Variants in LRP1B observed in about 807,000 individuals in gnomAD.
The protein encoded by LRP1B is low-density lipoprotein receptor-related protein 1B.
A neutral mutation model predicts 556.6 loss-of-function variants in LRP1B; 217 were observed. The observed-to-expected ratio is 0.39, with a 90% CI of 0.35 to 0.44. LRP1B has a LOEUF of 0.44. LRP1B is among the 20% of genes least tolerant of loss of function. LRP1B has a pLI of 1.00. For missense variants in LRP1B, 5,053 were observed against 5,620.8 expected (o/e 0.90, Z 3.23); for synonymous variants, 2,047 against 1,865.8 (o/e 1.10, Z -2.50).
intron 1 of LRP1B, among the ~76,000 whole-genome samples, chr2:142,023,734 T>A (rs1703417231): frequency 6.6e-6 from 1 of 152,180 alleles, no homozygotes; most frequent in African/African-American, 2.4e-5. Flanking sequence ...GTGAAGCTGA[T>A]GGAAAGGTAG....
At chr2:141,252,494 C>T (rs548062158) in intron 4 of LRP1B, among the ~76,000 whole-genome samples, 71 of 152,200 alleles carry the variant, frequency 4.7e-4, no homozygotes, top group Admixed American at 4.4e-3. Context: ...AAAAATACAG[C>T]GTTTGGAGCT....
intron 7 of LRP1B, among the ~76,000 whole-genome samples, chr2:141,147,551 G>T (rs191486333): frequency 3.3e-5 from 5 of 152,100 alleles, no homozygotes; most frequent in South Asian, 2.1e-4. Context: ...GGAACTTAAT[G>T]TCAGGCACTC....
intron 20 of LRP1B, among the ~76,000 whole-genome samples, chr2:140,941,484 AG>A: frequency 6.6e-6 from 1 of 152,280 alleles, no homozygotes; most frequent in South Asian, 2.1e-4. Context: ...GACCTAAGCA[AG>A]GGAGCATAAC....
chr2:140,546,250 C>T (rs1680334061), intron 43 of LRP1B, among the ~76,000 whole-genome samples: 1 of 152,024 alleles, frequency 6.6e-6, no homozygotes, highest in African/African-American at 2.4e-5. Context: ...TTGATTTCCT[C>T]TTTCACTTGG....
chr2:141,137,666 C>T (rs934264644), intron 7 of LRP1B, among the ~76,000 whole-genome samples: 1 of 151,720 alleles, frequency 6.6e-6, no homozygotes, highest in Non-Finnish European at 1.5e-5. Flanking sequence ...ATGTCTTGGT[C>T]CTCCAGCATT....
intron 35 of LRP1B, among the ~76,000 whole-genome samples, chr2:140,760,552 C>T (rs288108): frequency 0.35 from 52,811 of 152,066 alleles, 9,491 homozygotes; most frequent in African/African-American, 0.44. Flanking sequence ...TGGCCCTTGG[C>T]CTTATATTGC....
chr2:140,490,511 A>G (rs568383273), intron 57 of LRP1B, among the ~76,000 whole-genome samples: 1 of 152,254 alleles, frequency 6.6e-6, no homozygotes, highest in East Asian at 1.9e-4. Flanking sequence ...TCAGCTGCAC[A>G]TAAAAGTTCC....
intron 3 of LRP1B, among the ~76,000 whole-genome samples, chr2:141,333,830 T>G: frequency 6.6e-6 from 1 of 152,168 alleles, no homozygotes; most frequent in East Asian, 1.9e-4. Context: ...ATTTTTTATG[T>G]ATATTCTTTC....
intron 3 of LRP1B, among the ~76,000 whole-genome samples, chr2:141,326,205 T>C (rs113827904): frequency 0.021 from 3,167 of 152,158 alleles, 54 homozygotes; most frequent in Non-Finnish European, 0.034. Context: ...TTGTCAAGAA[T>C]GGATAGTATG....
chr2:141,582,393 G>T (rs1686981180), intron 2 of LRP1B, among the ~76,000 whole-genome samples: 1 of 152,200 alleles, frequency 6.6e-6, no homozygotes, highest in Non-Finnish European at 1.5e-5. Flanking sequence ...TTGTGTGGTT[G>T]CTAGGGTAGC....
At chr2:142,038,095 T>C (rs1049816349) in intron 1 of LRP1B, among the ~76,000 whole-genome samples, 1 of 151,634 alleles carries the variant, frequency 6.6e-6, no homozygotes, top group Non-Finnish European at 1.5e-5. Flanking sequence ...CTTCAATTAT[T>C]TAAAGCAACA....
intron 27 of LRP1B, among the ~76,000 whole-genome samples, chr2:140,861,808 T>C (rs971806812): frequency 2.0e-5 from 3 of 152,238 alleles, no homozygotes; most frequent in Non-Finnish European, 4.4e-5. Context: ...TGAATGCATT[T>C]ATGTCTTTAT....
chr2:140,742,813 T>C (rs1688186193), intron 35 of LRP1B, among the ~76,000 whole-genome samples: 2 of 152,076 alleles, frequency 1.3e-5, no homozygotes, highest in African/African-American at 2.4e-5. Context: ...ATGAACTTTA[T>C]GCCAAAAAAT....
intron 71 of LRP1B, among the ~76,000 whole-genome samples, chr2:140,367,045 T>C (rs1302968136): frequency 6.6e-6 from 1 of 151,636 alleles, no homozygotes; most frequent in African/African-American, 2.4e-5. Context: ...ACAAATCTTC[T>C]GTTTTGGGAG....
chr2:142,121,100 C>T (rs987537554), intron 1 of LRP1B, among the ~76,000 whole-genome samples: 1 of 152,156 alleles, frequency 6.6e-6, no homozygotes, highest in Admixed American at 6.5e-5. Context: ...TAGAATGGTG[C>T]TGCATTCGTT....
chr2:141,895,357 C>A (rs897911107), intron 1 of LRP1B, among the ~76,000 whole-genome samples: 1 of 152,066 alleles, frequency 6.6e-6, no homozygotes, highest in Non-Finnish European at 1.5e-5. Flanking sequence ...AGACACAAAA[C>A]CCCTGTTGCC....
chr2:140,996,070 G>A (rs1573963562), intron 15 of LRP1B, among the ~76,000 whole-genome samples: 1 of 151,948 alleles, frequency 6.6e-6, no homozygotes. Flanking sequence ...CAGGAATCGT[G>A]TGTCTTCTAC....
intron 7 of LRP1B, among the ~76,000 whole-genome samples, chr2:141,162,526 A>G (rs1228950634): frequency 6.6e-6 from 1 of 152,000 alleles, no homozygotes; most frequent in Non-Finnish European, 1.5e-5. Context: ...GTCATAAAGT[A>G]CTCTATCTTT....
chr2:141,324,338 C>T (rs930255567), intron 3 of LRP1B, among the ~76,000 whole-genome samples: 7 of 152,072 alleles, frequency 4.6e-5, no homozygotes, highest in Non-Finnish European at 8.8e-5. Flanking sequence ...AAGAGCATCT[C>T]CTAATAAGTA....
Sources: allele counts gnomAD v4.1 joint callset (sites outside exome capture counted in the v4.1 genomes callset), GRCh38; gene constraint gnomAD v4.1.1; transcripts MANE v1.5; gene names NCBI Gene and HGNC (gene_info 2026-07-23, HGNC 2026-07-21).